The following PHF2 variants were observed in gnomAD, a reference collection of about 807,000 sequenced individuals.
The protein encoded by PHF2 is PHD finger protein 2, also known as lysine-specific demethylase PHF2.
Under a neutral mutation model 120.5 loss-of-function variants are expected in PHF2, and 27 were observed. That is an observed-to-expected ratio of 0.22 (90% CI 0.17 to 0.31). PHF2 has a LOEUF of 0.31. Ranked by LOEUF, PHF2 falls within the 10% of genes least tolerant of loss-of-function variation. The probability of loss-of-function intolerance (pLI) is 1.00; values close to 1 mark genes in which losing one functional copy is unlikely to be tolerated. For missense variants in PHF2, 1,024 were observed against 1,434.8 expected, an observed-to-expected ratio of 0.71 and a Z score of 4.63; for synonymous variants, 568 against 592.5, an observed-to-expected ratio of 0.96 and a Z score of 0.60.
At chr9:93,603,945 C>T (rs1190996445) in intron 1 of PHF2, among the ~76,000 whole-genome samples, 1 of 152,236 alleles carries the variant, frequency 6.6e-6, no homozygotes, top group Non-Finnish European at 1.5e-5. Context: ...CCAGATCCCC[C>T]AGCCTGAAGC....
chr9:93,676,758 C>T lies in PHF2; in HGVS notation c.2997C>T (p.Ala999=). The change falls in exon 21 of 22, where the codon GCC becomes GCT. Residue 999 remains alanine, a synonymous_variant. Transcript: ENST00000359246. ...CCACCCCGGCCTCCACCAGCACGGC[C>T]AGCAGCCAGGCCTCGCAGGAGGGCA... ...ASTTPASTST[A]SSQASQEGSS... 3 of 1,553,754 alleles carry T rather than the reference C, an allele frequency of 1.9e-6. No homozygotes were observed. The highest frequency in any genetic ancestry group is 2.6e-6 in the Non-Finnish European group (3 of 1,148,718).
chr9:93,661,097 G>A (rs1381592671), intron 12 of PHF2, among the ~76,000 whole-genome samples: 2 of 152,158 alleles, frequency 1.3e-5, no homozygotes, highest in Non-Finnish European at 2.9e-5. Flanking sequence ...GGGGGTTCAG[G>A]GGTGAGGACA....
chr9:93,627,492 A>ATTGTTTTTTTTTTTTTTT (rs1825931964), intron 1 of PHF2, among the ~76,000 whole-genome samples: 1 of 108,176 alleles, frequency 9.2e-6, no homozygotes, highest in African/African-American at 3.8e-5. Flanking sequence ...TTATTTCAGG[A>ATTGTTTTTTTTTTTTTTT]TTTTTTTTTT....
At chr9:93,616,586 C>G (rs1825732743) in intron 1 of PHF2, among the ~76,000 whole-genome samples, 1 of 150,440 alleles carries the variant, frequency 6.6e-6, no homozygotes, top group African/African-American at 2.4e-5. Context: ...AAGGCTCTGC[C>G]TGTCTGCCTC....
chr9:93,667,814 A>G (rs1826710512), intron 17 of PHF2, among the ~76,000 whole-genome samples: 1 of 152,096 alleles, frequency 6.6e-6, no homozygotes, highest in African/African-American at 2.4e-5. Context: ...GGGGTTGACT[A>G]ATGCTGGGCA....
chr9:93,616,725 G>A lies in PHF2; in HGVS notation c.99-13245G>A, dbSNP rs547475663. Reference sequence around the variant, plus strand: ...AGCTGGAGTGCAATGGCTCAATCTCGGCTCACCGCAACCTCCGCCTCCTGG... The same window carrying A: ...AGCTGGAGTGCAATGGCTCAATCTCAGCTCACCGCAACCTCCGCCTCCTGG... On this transcript the variant is annotated intron_variant, in intron 1 of 21. Transcript: ENST00000359246. Among the ~76,000 whole-genome samples the A allele has an allele frequency of 2.6e-5, 4 of 151,144 alleles. No homozygotes were observed. In the East Asian group the frequency reaches 7.8e-4, roughly 30 times the overall value.
At chr9:93,625,416 A>T (rs1825897565) in intron 1 of PHF2, among the ~76,000 whole-genome samples, 4 of 130,678 alleles carry the variant, frequency 3.1e-5, no homozygotes, top group African/African-American at 5.7e-5. Flanking sequence ...CTTTTTGGTT[A>T]TTGTGAATAA....
chr9:93,596,213 C>T (rs1825329580), intron 1 of PHF2, among the ~76,000 whole-genome samples: 2 of 152,238 alleles, frequency 1.3e-5, no homozygotes, highest in South Asian at 4.1e-4. Flanking sequence ...GGAGGTTTCC[C>T]TGTTTCTATT....
chr9:93,632,213 A>G (rs1826013711), intron 2 of PHF2, among the ~76,000 whole-genome samples: 2 of 152,194 alleles, frequency 1.3e-5, no homozygotes, highest in African/African-American at 4.8e-5. Flanking sequence ...ACCTCAGTGC[A>G]GGCTCCCCTT....
At chr9:93,660,046 A>T (rs73523906) in intron 11 of PHF2, 146 bp from the exon 12 acceptor site, 1 of 959,592 alleles carries the variant, frequency 1.0e-6, no homozygotes, top group African/African-American at 1.7e-5. Context: ...AGTGTGTCAC[A>T]TGATGGTGTG....
At chr9:93,659,813 T>A (rs1376248096) in intron 11 of PHF2, among the ~76,000 whole-genome samples, 1 of 152,036 alleles carries the variant, frequency 6.6e-6, no homozygotes, top group Non-Finnish European at 1.5e-5. Flanking sequence ...CTGGTGTGAG[T>A]GTGTAGGGAC....
chr9:93,588,928 C>T (rs1239113878), intron 1 of PHF2, among the ~76,000 whole-genome samples: 1 of 152,158 alleles, frequency 6.6e-6, no homozygotes, highest in Non-Finnish European at 1.5e-5. Flanking sequence ...CCTATGAAGT[C>T]TCTGTTCGTG....
chr9:93,647,165 T>G (rs1826275901), intron 4 of PHF2, among the ~76,000 whole-genome samples: 1 of 152,216 alleles, frequency 6.6e-6, no homozygotes, highest in African/African-American at 2.4e-5. Flanking sequence ...CTTTCTCACC[T>G]TCCCAGACCC....
intron 1 of PHF2, among the ~76,000 whole-genome samples, chr9:93,610,271 T>C (rs574888440): frequency 7.9e-4 from 121 of 152,306 alleles, no homozygotes; most frequent in Non-Finnish European, 1.6e-3. Context: ...CCATAGTTCT[T>C]GAATATTGTT....
chr9:93,603,159 G>C (rs1825476278), intron 1 of PHF2, among the ~76,000 whole-genome samples: 1 of 152,162 alleles, frequency 6.6e-6, no homozygotes, highest in Non-Finnish European at 1.5e-5. Flanking sequence ...TTGGTGCCGA[G>C]GGCTGGGCTC....
In PHF2 at chr9:93,653,381, C is replaced by CG; in HGVS notation, c.789+20dup. ...CGTGCTCAAGGTGAGCCACGCCCCT[C>CG]GGGGCACCTCTGCCTTGCCATGGCC... is the stretch of plus-strand genomic sequence containing the variant. On this transcript the variant is annotated intron_variant, in intron 6 of 21. Transcript: ENST00000359246. 6.2e-7 allele frequency: 1 copy of CG among 1,611,156 alleles called. No homozygotes were observed.
rs754466376 is a variant in PHF2, at chr9:93,658,284, C to T, written c.1239+48C>T. ...CCTAGGGCAGGAGAGCAGTGACAGG[C>T]GGGAGGACCTCCCTGGAGACCCAGC... On this transcript the variant is annotated intron_variant, in intron 10 of 21. Coordinates refer to ENST00000359246, the MANE Select transcript of PHF2 (RefSeq NM_005392.4). The T allele has an allele frequency of 2.0e-5, 28 of 1,406,498 alleles. No homozygotes were observed. Among genetic ancestry groups the T allele is most frequent in the African/African-American group, 2.8e-5 (2 of 71,096 alleles). The allele number at this position is 1,406,498 out of a possible 1,614,324, so 87.1% of individuals were successfully genotyped here.
Position 93,656,576 on chromosome 9 carries a change from C to G in PHF2, c.1128C>G (p.His376Gln), listed in dbSNP as rs1826463673. 1 of 1,613,240 alleles carries G rather than the reference C, an allele frequency of 6.2e-7. No homozygotes were observed. ...CTGCGTGCTGGTACATGGGGAAGCA[C>G]CTGCTGGAGGCATTCAAAGGTACTG... Reference protein sequence around the residue: ...FETACWYMGKHLLEAFKGSHK... With the variant: ...FETACWYMGKQLLEAFKGSHK... Residue 376 changes from histidine (H) to glutamine (Q), a missense_variant, in exon 9 of 22, where the codon CAC becomes CAG. His to Gln is a conservative substitution (Grantham distance 24, BLOSUM62 0). Around this residue, in one of 2 missense-constraint regions of PHF2, gnomAD observed 347 missense variants for 577.4 expected, o/e 0.60. Transcript: ENST00000359246. The surrounding 1 kb of genome is among the most constrained non-coding windows in gnomAD (Gnocchi z 4.1).
At position 93,587,259 on chromosome 9, in the gene PHF2, G is replaced by A. The variant is rs552804922; in HGVS notation, c.98+10388G>A. On this transcript the variant is annotated intron_variant, in intron 1 of 21. Coordinates refer to ENST00000359246, the MANE Select transcript of PHF2 (RefSeq NM_005392.4). ...GCCCTGGGTGAGGGATGATGGAAGAGCCCTGGGTGAGGGATGACGGAGGAG... is the reference window on the plus strand; with the variant it reads ...GCCCTGGGTGAGGGATGATGGAAGAACCCTGGGTGAGGGATGACGGAGGAG... Among the ~76,000 whole-genome samples, 5 of 147,452 alleles carry A rather than the reference G, an allele frequency of 3.4e-5. No homozygotes were observed. The East Asian group carries it at 8.3e-4, about 24-fold the overall frequency.
Sources: gnomAD v4.1 joint callset for allele counts (sites outside exome capture counted in the v4.1 genomes callset) on GRCh38, gnomAD v4.1.1 for gene constraint, gnomAD v4.1.1 regional missense constraint, Gnocchi (gnomAD v3.1) non-coding constraint, MANE v1.5 for transcripts, NCBI Gene and HGNC (gene_info 2026-07-23, HGNC 2026-07-21) for gene names.